The following DCUN1D3 variants were observed in gnomAD, a reference collection of about 807,000 sequenced individuals.
DCUN1D3 encodes the protein defective in cullin neddylation 1 domain containing 3, also known as DCN1-like protein 3.
A neutral mutation model predicts 24.8 loss-of-function variants in DCUN1D3; 6 were observed. That is an observed-to-expected ratio of 0.24 (90% CI 0.13 to 0.48). The LOEUF is 0.48. Ranked by LOEUF, DCUN1D3 falls within the 20% of genes least tolerant of loss-of-function variation. The pLI is 0.99. For missense variants in DCUN1D3, 258 were observed against 379.4 expected (o/e 0.68, Z 2.66); for synonymous variants, 120 against 144.9 (o/e 0.83, Z 1.24).
At position 20,862,663 on chromosome 16, in the gene DCUN1D3, C is replaced by G; in HGVS notation, c.-105-20G>C. 1 of 1,512,644 alleles carries G rather than the reference C, an allele frequency of 6.6e-7. No individual in the cohort carries two copies. 93.7% of individuals were successfully genotyped at this position (1,512,644 alleles called of 1,614,324 possible). On this transcript the variant is annotated intron_variant, in intron 1 of 2. Coordinates refer to ENST00000324344, the MANE Select transcript of DCUN1D3 (RefSeq NM_173475.4). Reference sequence around the variant, plus strand: ...GCCAACCTGGAAGGAAATTAGAAAGCCATCACCTCTGGGTGGGGGAAATGG... The same window carrying G: ...GCCAACCTGGAAGGAAATTAGAAAGGCATCACCTCTGGGTGGGGGAAATGG...
At position 20,862,278 on chromosome 16, in the gene DCUN1D3, G is replaced by T; in HGVS notation, c.261C>A (p.Ser87=). ...TGAACAGTTCTTCCAATCTTTGCAAGGAAGACTCCTCGGCATTGGACTTGG... is the reference window on the plus strand; with the variant it reads ...TGAACAGTTCTTCCAATCTTTGCAATGAAGACTCCTCGGCATTGGACTTGG... ...RESKSNAEES[S]LQRLEELFRR... is the part of the protein sequence containing the mutation. Residue 87 remains serine (S), a synonymous_variant, in exon 2 of 3, where the codon TCC becomes TCA. Transcript: ENST00000324344. 1.2e-6 allele frequency: 2 copies of T among 1,614,204 alleles called. No homozygotes were observed. The highest frequency in any genetic ancestry group is 1.7e-6 in the Non-Finnish European group (2 of 1,180,034).
intron 1 of DCUN1D3, among the ~76,000 whole-genome samples, chr16:20,871,340 A>T (rs982017361): frequency 6.6e-6 from 1 of 152,216 alleles, no homozygotes; most frequent in African/African-American, 2.4e-5. Flanking sequence ...AACCAATCTC[A>T]AAAGTGCAAA....
chr16:20,859,749 G>T lies in DCUN1D3; in HGVS notation c.*137C>A. The T allele has an allele frequency of 8.4e-7, 1 of 1,191,560 alleles. No homozygotes were observed. Among genetic ancestry groups the T allele is most frequent in the Non-Finnish European group, 1.1e-6 (1 of 878,580 alleles). 73.8% of individuals were successfully genotyped at this position (1,191,560 alleles called of 1,614,324 possible). A position where few individuals can be genotyped will look rare whatever the true frequency, so the allele number is the denominator to read the frequency against. On this transcript the variant is annotated 3_prime_UTR_variant, in exon 3 of 3. Coordinates refer to ENST00000324344, the MANE Select transcript of DCUN1D3 (RefSeq NM_173475.4). ...CTAAAACATGATACAGCATTTTAGA[G>T]CCCTTTCAGATACAAGGCAGAGAAA...
intron 1 of DCUN1D3, among the ~76,000 whole-genome samples, chr16:20,871,939 T>G (rs2152517011): frequency 6.6e-6 from 1 of 152,316 alleles, no homozygotes; most frequent in African/African-American, 2.4e-5. Context: ...CATCCTGGAT[T>G]TGTACTGAAC....
At chr16:20,894,308 G>T (rs1470107416) in intron 1 of DCUN1D3, among the ~76,000 whole-genome samples, 1 of 152,116 alleles carries the variant, frequency 6.6e-6, no homozygotes, top group Non-Finnish European at 1.5e-5. Flanking sequence ...AAATCAAAAA[G>T]GGGCAGGTTT....
At chr16:20,894,978 G>A (rs1000510268) in intron 1 of DCUN1D3, among the ~76,000 whole-genome samples, 12 of 151,686 alleles carry the variant, frequency 7.9e-5, no homozygotes, top group African/African-American at 2.9e-4. Context: ...TGGCAGATTC[G>A]ACCAACCATG....
At chr16:20,892,802 T>C (rs1357788430) in intron 1 of DCUN1D3, among the ~76,000 whole-genome samples, 1 of 152,210 alleles carries the variant, frequency 6.6e-6, no homozygotes, top group Non-Finnish European at 1.5e-5. Context: ...TCAACTCCTA[T>C]TTGAATGTAA....
At position 20,883,308 on chromosome 16, in the gene DCUN1D3, C is replaced by T. The variant is rs577373342; in HGVS notation, c.-106+16896G>A. On this transcript the variant is annotated intron_variant, in intron 1 of 2. Coordinates refer to ENST00000324344, the MANE Select transcript of DCUN1D3 (RefSeq NM_173475.4). ...CGGACGGATCACGAGGTCAGGAGAT[C>T]GAGACCATCCTGGCTAACACGGTGA... Among the ~76,000 whole-genome samples, 5 of 152,186 alleles carry T rather than the reference C, an allele frequency of 3.3e-5. No homozygotes were observed. The South Asian group carries it at 1.0e-3, about 32-fold the overall frequency.
intron 1 of DCUN1D3, among the ~76,000 whole-genome samples, chr16:20,895,714 A>G (rs1000307735): frequency 6.6e-6 from 1 of 152,256 alleles, no homozygotes; most frequent in African/African-American, 2.4e-5. Flanking sequence ...CTAGGAACAC[A>G]GACGTAAGAA....
chr16:20,880,220 T>C (rs1452022855), intron 1 of DCUN1D3, among the ~76,000 whole-genome samples: 2 of 151,976 alleles, frequency 1.3e-5, no homozygotes, highest in Non-Finnish European at 2.9e-5. Context: ...AAAAAGTACA[T>C]AGAAGAGAAA....
Position 20,857,219 on chromosome 16 carries a change from T to C in DCUN1D3, c.*2667A>G, listed in dbSNP as rs2081706677. Reference sequence around the variant, plus strand: ...TTGCTGAGCATCAAGTACTCAAACTTGAAAGGAACTTGTAAGTCCCTCCCT... The same window carrying C: ...TTGCTGAGCATCAAGTACTCAAACTCGAAAGGAACTTGTAAGTCCCTCCCT... On this transcript the variant is annotated 3_prime_UTR_variant, in exon 3 of 3. Coordinates refer to ENST00000324344, the MANE Select transcript of DCUN1D3 (RefSeq NM_173475.4). The C allele has an allele frequency of 6.6e-6, 1 of 152,206 alleles. No homozygotes were observed. The highest frequency in any genetic ancestry group is 2.1e-4 in the South Asian group (1 of 4,832). The allele number at this position is 152,206 out of a possible 1,614,324, so 9.4% of individuals were successfully genotyped here. A position where few individuals can be genotyped will look rare whatever the true frequency, so the allele number is the denominator to read the frequency against.
intron 1 of DCUN1D3, among the ~76,000 whole-genome samples, chr16:20,872,097 T>A (rs1273778880): frequency 6.6e-6 from 1 of 152,234 alleles, no homozygotes; most frequent in East Asian, 1.9e-4. Context: ...CCAGTCAGCA[T>A]ATGGTTATCA....
At chr16:20,866,379 C>T (rs2081762201) in intron 1 of DCUN1D3, among the ~76,000 whole-genome samples, 1 of 152,208 alleles carries the variant, frequency 6.6e-6, no homozygotes, top group Non-Finnish European at 1.5e-5. Context: ...CTGAGTGAGG[C>T]ATGGGCACCC....
chr16:20,873,254 T>C (rs1291674079), intron 1 of DCUN1D3, among the ~76,000 whole-genome samples: 1 of 152,244 alleles, frequency 6.6e-6, no homozygotes, highest in Non-Finnish European at 1.5e-5. Context: ...CTTTCACTTA[T>C]ATCTAAATTT....
Position 20,860,755 on chromosome 16 carries a change from C to G in DCUN1D3, c.432-386G>C, listed in dbSNP as rs1478419865. Among the ~76,000 whole-genome samples, 1 of 152,200 alleles carries G rather than the reference C, an allele frequency of 6.6e-6. No individual in the cohort carries two copies. The highest frequency in any genetic ancestry group is 6.5e-5 in the Admixed American group (1 of 15,282). On this transcript the variant is annotated intron_variant, in intron 2 of 2. Transcript: ENST00000324344. The surrounding 1 kb of genome is among the most constrained non-coding windows in gnomAD (Gnocchi z 4.3). Reference sequence around the variant, plus strand: ...TTCCAGAGGAGGAGGCTTCCTGTTTCCCTTCTGATTCTCTATGGGTTGTTT... The same window carrying G: ...TTCCAGAGGAGGAGGCTTCCTGTTTGCCTTCTGATTCTCTATGGGTTGTTT...
chr16:20,890,112 G>A lies in DCUN1D3; in HGVS notation c.-106+10092C>T, dbSNP rs143103970. ...CCCTATGCGTCTCTTCCATTCAGCTGTTCCTGAGTTATAAATAAATCCTTT... is the reference window on the plus strand; with the variant it reads ...CCCTATGCGTCTCTTCCATTCAGCTATTCCTGAGTTATAAATAAATCCTTT... On this transcript the variant is annotated intron_variant, in intron 1 of 2. Coordinates refer to ENST00000324344, the MANE Select transcript of DCUN1D3 (RefSeq NM_173475.4). 2.4e-3 allele frequency among the ~76,000 whole-genome samples: 360 copies of A among 152,256 alleles called. 2 individuals carry two copies. Among genetic ancestry groups the A allele is most frequent in the African/African-American group, 8.1e-3 (336 of 41,556 alleles).
chr16:20,885,867 G>A (rs1325879330), intron 1 of DCUN1D3, among the ~76,000 whole-genome samples: 2 of 152,152 alleles, frequency 1.3e-5, no homozygotes. Flanking sequence ...ATGGGACAGA[G>A]CCTTGAATCC....
intron 1 of DCUN1D3, among the ~76,000 whole-genome samples, chr16:20,868,023 A>G (rs2081770940): frequency 6.6e-6 from 1 of 152,238 alleles, no homozygotes; most frequent in Non-Finnish European, 1.5e-5. Context: ...CCTAACCTGG[A>G]GCAGGCTTTC....
chr16:20,866,908 C>T (rs2081764802), intron 1 of DCUN1D3, among the ~76,000 whole-genome samples: 1 of 152,144 alleles, frequency 6.6e-6, no homozygotes, highest in African/African-American at 2.4e-5. Context: ...TTTTGCTCTC[C>T]CAGAGCTTTC....
Sources: gnomAD v4.1 joint callset for allele counts (sites outside exome capture counted in the v4.1 genomes callset) on GRCh38, gnomAD v4.1.1 for gene constraint, Gnocchi (gnomAD v3.1) non-coding constraint, MANE v1.5 for transcripts, NCBI Gene and HGNC (gene_info 2026-07-23, HGNC 2026-07-21) for gene names.